FRMD6: variants seen among roughly 807,000 people sequenced by gnomAD.
FRMD6 encodes FERM domain-containing protein 6.
A neutral mutation model predicts 73.2 loss-of-function variants in FRMD6; 37 were observed. That is an observed-to-expected ratio of 0.51 (90% confidence interval 0.39 to 0.66). The LOEUF is 0.66. FRMD6 is among the 30% of genes least tolerant of loss of function. The probability of loss-of-function intolerance (pLI) is 0.00; values close to 1 mark genes in which losing one functional copy is unlikely to be tolerated. For missense variants in FRMD6, 714 were observed against 780.5 expected (o/e 0.91, Z 1.02); for synonymous variants, 273 against 282.2 (o/e 0.97, Z 0.33).
intron 10 of FRMD6, among the ~76,000 whole-genome samples, chr14:51,718,437 G>C (rs1234481836): frequency 6.6e-6 from 1 of 152,236 alleles, no homozygotes; most frequent in Non-Finnish European, 1.5e-5. Context: ...AATTATTTTA[G>C]AACAATGGAA....
chr14:51,725,384 C>T (rs1412837895), intron 12 of FRMD6, among the ~76,000 whole-genome samples: 1 of 152,096 alleles, frequency 6.6e-6, no homozygotes, highest in East Asian at 1.9e-4. Context: ...GGCATGTGTT[C>T]AGTAAGGGTT....
At chr14:51,621,293 C>T (rs148992051) in intron 2 of FRMD6, among the ~76,000 whole-genome samples, 1 of 152,296 alleles carries the variant, frequency 6.6e-6, no homozygotes, top group African/African-American at 2.4e-5. Flanking sequence ...GCTGTCTTGA[C>T]ATCCTCACTG....
chr14:51,661,361 A>C (rs1047015468), intron 1 of FRMD6, among the ~76,000 whole-genome samples: 1 of 152,206 alleles, frequency 6.6e-6, no homozygotes, highest in Non-Finnish European at 1.5e-5. Context: ...ACGTTTTTCC[A>C]ACATAGTGAA....
intron 2 of FRMD6, among the ~76,000 whole-genome samples, chr14:51,623,309 G>A (rs973919266): frequency 6.6e-6 from 1 of 152,138 alleles, no homozygotes; most frequent in African/African-American, 2.4e-5. Flanking sequence ...CCTCCTCAAT[G>A]AGTTTTACAT....
chr14:51,702,649 T>C, intron 5 of FRMD6, 61 bp downstream of exon 5: 3 of 1,281,130 alleles, frequency 2.3e-6, no homozygotes, highest in Middle Eastern at 1.9e-4. Flanking sequence ...TTTTCTAACA[T>C]ACCAAATAAG....
intron 2 of FRMD6, among the ~76,000 whole-genome samples, chr14:51,604,416 CATTATT>C (rs910505802): frequency 2.0e-5 from 3 of 152,002 alleles, no homozygotes; most frequent in Non-Finnish European, 2.9e-5. Flanking sequence ...AGATTATTAT[CATTATT>C]ATTATTAGTG....
intron 1 of FRMD6, among the ~76,000 whole-genome samples, chr14:51,513,999 C>G (rs969407183): frequency 6.6e-6 from 1 of 152,194 alleles, no homozygotes; most frequent in Non-Finnish European, 1.5e-5. Flanking sequence ...AAGAATAATT[C>G]TTACTTTGCC....
At chr14:51,718,450 C>T (rs1310690828) in intron 10 of FRMD6, among the ~76,000 whole-genome samples, 1 of 152,222 alleles carries the variant, frequency 6.6e-6, no homozygotes, top group Non-Finnish European at 1.5e-5. Context: ...CAATGGAACT[C>T]CAACAACTTA....
intron 1 of FRMD6, among the ~76,000 whole-genome samples, chr14:51,558,942 C>T (rs547641857): frequency 2.0e-5 from 3 of 152,310 alleles, no homozygotes; most frequent in African/African-American, 7.2e-5. Context: ...AGTTAGGAAA[C>T]CCTATAGCTT....
chr14:51,448,103 G>A, the FRMD6 span, among the ~76,000 whole-genome samples: 1 of 152,150 alleles, frequency 6.6e-6, no homozygotes, highest in Admixed American at 6.5e-5. Context: ...TGGATTGTTT[G>A]CAAATTTCCT....
chr14:51,687,779 C>T (rs184868728), intron 1 of FRMD6, among the ~76,000 whole-genome samples: 92 of 152,208 alleles, frequency 6.0e-4, no homozygotes, highest in African/African-American at 2.1e-3. Flanking sequence ...GAATTCATAC[C>T]TTTGACAATG....
intron 2 of FRMD6, among the ~76,000 whole-genome samples, chr14:51,646,543 A>G (rs1243620040): frequency 6.6e-6 from 1 of 151,534 alleles, no homozygotes; most frequent in South Asian, 2.1e-4. Flanking sequence ...TTGCCTCCCA[A>G]CTCTGGGGTA....
chr14:51,635,403 C>G (rs1180307469), intron 2 of FRMD6, among the ~76,000 whole-genome samples: 1 of 152,044 alleles, frequency 6.6e-6, no homozygotes, highest in Non-Finnish European at 1.5e-5. Context: ...CAAAACAAAA[C>G]AAAAAGGAGG....
chr14:51,622,316 T>C (rs1026566004), intron 2 of FRMD6, among the ~76,000 whole-genome samples: 1 of 152,232 alleles, frequency 6.6e-6, no homozygotes, highest in Middle Eastern at 3.2e-3. Context: ...TATTCATTTT[T>C]ATACCTAATT....
chr14:51,541,003 T>G (rs998502276), intron 1 of FRMD6, among the ~76,000 whole-genome samples: 4 of 152,130 alleles, frequency 2.6e-5, no homozygotes, highest in African/African-American at 9.7e-5. Flanking sequence ...TTAACTTTCC[T>G]CCTATTTCAG....
chr14:51,424,771 T>A, the FRMD6 span, among the ~76,000 whole-genome samples: 1 of 152,042 alleles, frequency 6.6e-6, no homozygotes, highest in Non-Finnish European at 1.5e-5. Context: ...TTAGCAACAA[T>A]CAACAAAGCT....
chr14:51,557,273 CAT>C (rs1887191715), intron 1 of FRMD6, among the ~76,000 whole-genome samples: 1 of 148,806 alleles, frequency 6.7e-6, no homozygotes, highest in East Asian at 2.0e-4. Context: ...TATATACACA[CAT>C]ACATACATAC....
chr14:51,400,714 T>A, the FRMD6 span, among the ~76,000 whole-genome samples: 5 of 152,300 alleles, frequency 3.3e-5, no homozygotes, highest in South Asian at 2.1e-4. Context: ...ACTCAACTAC[T>A]GGGAATAAAC....
At chr14:51,551,880 T>C (rs1000450210) in intron 1 of FRMD6, among the ~76,000 whole-genome samples, 2 of 152,170 alleles carry the variant, frequency 1.3e-5, no homozygotes, top group African/African-American at 4.8e-5. Flanking sequence ...GGTATGTATT[T>C]GATCCATTGG....
Sources: gnomAD v4.1 joint callset for allele counts (sites outside exome capture counted in the v4.1 genomes callset) on GRCh38, gnomAD v4.1.1 for gene constraint, MANE v1.5 for transcripts, NCBI Gene and HGNC (gene_info 2026-07-23, HGNC 2026-07-21) for gene names.